The following CENPP variants were observed in gnomAD, a reference collection of about 807,000 sequenced individuals.
CENPP encodes the protein centromere protein P.
In CENPP, 24 loss-of-function variants were observed where a neutral mutation model predicts 35.6. The ratio of observed to expected loss-of-function variants is 0.67; its 90% CI spans 0.49 to 0.95. The LOEUF is 0.95. Ranked by LOEUF, CENPP falls within the 40% of genes least tolerant of loss-of-function variation. The pLI is 0.00. For synonymous variants in CENPP, 120 were observed against 125.5 expected (o/e 0.96, Z 0.29); for missense variants, 332 against 345.3 (o/e 0.96, Z 0.31).
chr9:92,596,557 C>T (rs1448863800), intron 5 of CENPP, among the ~76,000 whole-genome samples: 1 of 151,384 alleles, frequency 6.6e-6, no homozygotes, highest in East Asian at 1.9e-4. Flanking sequence ...CGAGAGAAAG[C>T]CTTGAGGAAG....
rs778757481 is a variant in CENPP, at chr9:92,522,671, T to C, written c.565-88643T>C. The C allele has an allele frequency of 1.3e-5, 21 of 1,614,026 alleles. No individual in the cohort carries two copies. In the South Asian group the frequency reaches 1.3e-4, roughly 10 times the overall value. On this transcript the variant is annotated intron_variant, in intron 5 of 7. Coordinates refer to ENST00000375587, the MANE Select transcript of CENPP (RefSeq NM_001012267.3). ...TAATCAAAGTTAACAATAGGAAGTC[T>C]TGCTACTGGTGTAAAAACTGTTGTT...
At chr9:92,596,310 T>C (rs1850778100) in intron 5 of CENPP, among the ~76,000 whole-genome samples, 1 of 151,700 alleles carries the variant, frequency 6.6e-6, no homozygotes, top group East Asian at 1.9e-4. Context: ...TTAAAAATTT[T>C]TGTAGAAATG....
At chr9:92,509,966 T>C in intron 5 of CENPP, 1 of 1,611,028 alleles carries the variant, frequency 6.2e-7, no homozygotes, top group Non-Finnish European at 8.5e-7. Context: ...CTAATGTAGA[T>C]GGCAATTGTG....
At chr9:92,509,050 CAG>C (rs1432864413) in intron 5 of CENPP, among the ~76,000 whole-genome samples, 1 of 151,752 alleles carries the variant, frequency 6.6e-6, no homozygotes, top group Non-Finnish European at 1.5e-5. Flanking sequence ...CTCTTCTATA[CAG>C]AGTCACAATA....
At chr9:92,387,902 G>A (rs1299674564) in intron 5 of CENPP, among the ~76,000 whole-genome samples, 4 of 147,424 alleles carry the variant, frequency 2.7e-5, no homozygotes, top group African/African-American at 7.5e-5. Flanking sequence ...TAGCTGGGAC[G>A]ACAGGTGCCC....
At chr9:92,375,407 C>T (rs1194276773) in intron 4 of CENPP, among the ~76,000 whole-genome samples, 1 of 152,070 alleles carries the variant, frequency 6.6e-6, no homozygotes, top group African/African-American at 2.4e-5. Context: ...ATTCTCCTGC[C>T]TCAGCCTCCT....
At position 92,609,084 on chromosome 9, in the gene CENPP, C is replaced by T. The variant is rs185416536; in HGVS notation, c.565-2230C>T. Among the ~76,000 whole-genome samples the T allele has an allele frequency of 5.6e-4, 85 of 152,356 alleles. 1 individual carries two copies. Among genetic ancestry groups the T allele is most frequent in the African/African-American group, 1.7e-3 (71 of 41,594 alleles). ...GTTGTGATTAATTTGGAAGAGCCTG[C>T]GGCTTAAAAATCAACCAACACTTTC... On this transcript the variant is annotated intron_variant, in intron 5 of 7. Coordinates refer to ENST00000375587, the MANE Select transcript of CENPP (RefSeq NM_001012267.3).
At chr9:92,551,417 A>G (rs1849584353) in intron 5 of CENPP, among the ~76,000 whole-genome samples, 1 of 152,092 alleles carries the variant, frequency 6.6e-6, no homozygotes, top group Non-Finnish European at 1.5e-5. Flanking sequence ...GGCTTACTGT[A>G]GCTTCAACCT....
At position 92,332,307 on chromosome 9, in the gene CENPP, C is replaced by T; in HGVS notation, c.245C>T (p.Ser82Phe). Residue 82 changes from serine to phenylalanine, a missense_variant, in exon 2 of 8, where the codon TCC becomes TTC. Coordinates refer to ENST00000375587, the MANE Select transcript of CENPP (RefSeq NM_001012267.3). ...ACTGGCATCAATATAAGAAATCACTCCAAGCAGACAGAAGACCTAACAAGC... is the reference window on the plus strand; with the variant it reads ...ACTGGCATCAATATAAGAAATCACTTCAAGCAGACAGAAGACCTAACAAGC... ...TLTGINIRNHSKQTEDLTSTE... is the reference protein window; with the variant it reads ...TLTGINIRNHFKQTEDLTSTE... 1 of 1,608,360 alleles carries T rather than the reference C, an allele frequency of 6.2e-7. No homozygotes were observed. Among genetic ancestry groups the T allele is most frequent in the Non-Finnish European group, 8.5e-7 (1 of 1,177,844 alleles).
In CENPP at chr9:92,617,380, G is replaced by A. The variant is rs562365191; in HGVS notation, c.*4231G>A. The stretch of plus-strand genomic sequence containing the variant: ...AGACCATGGGTGTAAAGACAGGAAG[G>A]ATGTTCCAGGCAGCTCCCGGGGAGG... On this transcript the variant is annotated 3_prime_UTR_variant, in exon 8 of 8. Coordinates refer to ENST00000375587, the MANE Select transcript of CENPP (RefSeq NM_001012267.3). 3 of 152,420 alleles carry A rather than the reference G, an allele frequency of 2.0e-5. No individual in the cohort carries two copies. The highest frequency in any genetic ancestry group is 2.1e-4 in the South Asian group (1 of 4,832). 9.4% of individuals were successfully genotyped at this position (152,420 alleles called of 1,614,324 possible).
chr9:92,516,064 C>CTTTT (rs869200958), intron 5 of CENPP, among the ~76,000 whole-genome samples: 1 of 148,756 alleles, frequency 6.7e-6, no homozygotes, highest in Non-Finnish European at 1.5e-5. Flanking sequence ...ACAGTGCATA[C>CTTTT]TTTTTTTTCC....
At chr9:92,495,676 C>G (rs961253479) in intron 5 of CENPP, 1 of 887,270 alleles carries the variant, frequency 1.1e-6, no homozygotes, top group East Asian at 1.2e-4. Flanking sequence ...ACCCTTCTGC[C>G]AGCTTTCCTT....
At chr9:92,520,851 C>T (rs777285166) in intron 5 of CENPP, among the ~76,000 whole-genome samples, 2 of 152,100 alleles carry the variant, frequency 1.3e-5, no homozygotes, top group Non-Finnish European at 2.9e-5. Context: ...GTAAAGAAGT[C>T]AAATACACAA....
chr9:92,460,238 G>A lies in CENPP; in HGVS notation c.564+80379G>A, dbSNP rs77843240. On this transcript the variant is annotated intron_variant, in intron 5 of 7. Coordinates refer to ENST00000375587, the MANE Select transcript of CENPP (RefSeq NM_001012267.3). ...TTTAGTAGAGATGGGGTTTTACCAT[G>A]TTAGCCAGACTGGTCTCGAACTCCT... Among the ~76,000 whole-genome samples, 733 of 152,056 alleles carry A rather than the reference G, an allele frequency of 4.8e-3. 4 individuals are homozygous for A. The highest frequency in any genetic ancestry group is 0.015 in the African/African-American group (638 of 41,484).
intron 5 of CENPP, among the ~76,000 whole-genome samples, chr9:92,401,908 G>A (rs557679711): frequency 6.6e-6 from 1 of 152,094 alleles, no homozygotes; most frequent in South Asian, 2.1e-4. Flanking sequence ...TTTTAGTCTC[G>A]GTCTTGACTC....
At chr9:92,363,255 A>AC (rs1405499138) in intron 4 of CENPP, among the ~76,000 whole-genome samples, 9 of 151,022 alleles carry the variant, frequency 6.0e-5, no homozygotes, top group Non-Finnish European at 1.2e-4. Flanking sequence ...ACACACACAC[A>AC]AACCTGTATG....
chr9:92,551,934 T>TC (rs1402387458), intron 5 of CENPP, among the ~76,000 whole-genome samples: 1 of 97,394 alleles, frequency 1.0e-5, no homozygotes, highest in Non-Finnish European at 1.9e-5. Context: ...TGTATATATA[T>TC]ATATATATAT....
chr9:92,466,080 G>A (rs1366589060), intron 5 of CENPP, among the ~76,000 whole-genome samples: 2 of 152,048 alleles, frequency 1.3e-5, no homozygotes, highest in Non-Finnish European at 1.5e-5. Flanking sequence ...AGATCCGCCC[G>A]CCTTGGCCTC....
At chr9:92,427,534 G>A (rs920816834) in intron 5 of CENPP, among the ~76,000 whole-genome samples, 3 of 152,136 alleles carry the variant, frequency 2.0e-5, no homozygotes, top group Non-Finnish European at 4.4e-5. Flanking sequence ...AGGCTGGAGT[G>A]CAGTGGTGTG....
Sources: allele counts gnomAD v4.1 joint callset (sites outside exome capture counted in the v4.1 genomes callset), GRCh38; gene constraint gnomAD v4.1.1; transcripts MANE v1.5; gene names NCBI Gene and HGNC (gene_info 2026-07-23, HGNC 2026-07-21).